The following CD5 variants were observed in gnomAD, a reference collection of about 807,000 sequenced individuals.
CD5 encodes the protein T-cell surface glycoprotein CD5.
A neutral mutation model predicts 60.3 loss-of-function variants in CD5; 36 were observed. The ratio of observed to expected loss-of-function variants is 0.60; its 90% CI spans 0.46 to 0.79. The LOEUF (loss-of-function observed/expected upper bound fraction) is 0.79, where lower values mean the gene tolerates loss of function less well. CD5 is among the 30% of genes least tolerant of loss of function. The pLI is 0.00. For missense variants in CD5, 540 were observed against 630.6 expected, an observed-to-expected ratio of 0.86 and a Z score of 1.54; for synonymous variants, 230 against 257.6, an observed-to-expected ratio of 0.89 and a Z score of 1.03.
the CD5 span, among the ~76,000 whole-genome samples, chr11:61,095,544 G>A: frequency 6.6e-6 from 1 of 152,202 alleles, no homozygotes; most frequent in Admixed American, 6.5e-5. Context: ...TAATACAGGT[G>A]AAAGGTGAAG....
At chr11:61,122,527 A>G (rs939293683) in intron 6 of CD5, among the ~76,000 whole-genome samples, 18 of 152,116 alleles carry the variant, frequency 1.2e-4, no homozygotes, top group Middle Eastern at 3.2e-3. Context: ...GGGCGGATGG[A>G]CAGATGGATG....
At chr11:61,110,708 G>C (rs1185834258) in intron 1 of CD5, among the ~76,000 whole-genome samples, 1 of 152,218 alleles carries the variant, frequency 6.6e-6, no homozygotes, top group African/African-American at 2.4e-5. Flanking sequence ...CTCATTAGCT[G>C]CTTGGACAAG....
intron 1 of CD5, among the ~76,000 whole-genome samples, chr11:61,106,342 A>G (rs1208031686): frequency 5.3e-5 from 8 of 152,128 alleles, no homozygotes; most frequent in South Asian, 2.1e-4. Context: ...CAGGCAGAGA[A>G]AAAAGGGAAG....
At chr11:61,106,332 C>A (rs1277814411) in intron 1 of CD5, among the ~76,000 whole-genome samples, 1 of 152,024 alleles carries the variant, frequency 6.6e-6, no homozygotes, top group African/African-American at 2.4e-5. Flanking sequence ...CGGAGCCAGC[C>A]AGGCAGAGAA....
At chr11:61,117,203 C>T (rs986657353) in intron 2 of CD5, among the ~76,000 whole-genome samples, 6 of 152,094 alleles carry the variant, frequency 3.9e-5, no homozygotes, top group African/African-American at 1.4e-4. Flanking sequence ...ACATGCTAAG[C>T]GAAAAAAGCC....
intron 5 of CD5, among the ~76,000 whole-genome samples, chr11:61,120,780 C>T (rs556492308): frequency 6.6e-6 from 1 of 152,354 alleles, no homozygotes; most frequent in South Asian, 2.1e-4. Flanking sequence ...TCCCAAGGGG[C>T]TCTTGGCCTG....
At position 61,102,568 on chromosome 11, in the gene CD5, T is replaced by G. The variant is rs1341418230; in HGVS notation, c.8T>G (p.Met3Arg). The G allele has an allele frequency of 6.3e-7, 1 of 1,586,462 alleles. No individual in the cohort carries two copies. The change falls in exon 1 of 11, where the codon ATG becomes AGG. Residue 3 changes from methionine (M) to arginine (R), a missense_variant. Met to Arg is a moderately conservative substitution (Grantham distance 91). Transcript: ENST00000347785. Reference sequence around the variant, plus strand: ...AAGAGAAGGCCAGAAACCATGCCCATGGGGTCTCTGCAACCGCTGGCCACC... The same window carrying G: ...AAGAGAAGGCCAGAAACCATGCCCAGGGGGTCTCTGCAACCGCTGGCCACC... MPMGSLQPLATLY... is the reference protein window; with the variant it reads MPRGSLQPLATLY...
At chr11:61,100,367 C>T (rs1860650986), upstream of CD5, among the ~76,000 whole-genome samples, 1 of 144,548 alleles carries the variant, frequency 6.9e-6, no homozygotes, top group Non-Finnish European at 1.5e-5. Context: ...CACTCACACA[C>T]ATCAACATGG....
chr11:61,111,588 C>T (rs1022642016), intron 1 of CD5, among the ~76,000 whole-genome samples: 1 of 152,210 alleles, frequency 6.6e-6, no homozygotes, highest in African/African-American at 2.4e-5. Flanking sequence ...TGAAAACATC[C>T]TAAGTCAAAA....
intron 6 of CD5, among the ~76,000 whole-genome samples, chr11:61,122,309 TGGGTG>T (rs1861074671): frequency 1.5e-5 from 1 of 64,770 alleles, no homozygotes; most frequent in Admixed American, 1.6e-4. Flanking sequence ...GGTGGGTGGG[TGGGTG>T]GATGGATGGA....
intron 7 of CD5, 73 bp from the exon 8 acceptor site, chr11:61,123,811 A>AC: frequency 3.8e-6 from 1 of 262,098 alleles, no homozygotes; most frequent in Admixed American, 6.6e-5. Context: ...GCCCAGCCCC[A>AC]TCCCCACCCC....
Position 61,119,383 on chromosome 11 carries a change from C to T in CD5, c.613C>T (p.Gln205Ter), listed in dbSNP as rs761729389. 3 of 1,614,220 alleles carry T rather than the reference C, an allele frequency of 1.9e-6. No individual in the cohort carries two copies. The highest frequency in any genetic ancestry group is 2.5e-6 in the Non-Finnish European group (3 of 1,180,046). Residue 205 changes from glutamine (Q) to a stop codon, truncating the protein, a stop_gained, in exon 5 of 11, where the codon CAG becomes TAG. Transcript: ENST00000347785. LOFTEE classifies it high-confidence loss of function. Reference protein sequence around the residue: ...DLENFLCNNLQCGSFLKHLPE... With the variant: ...DLENFLCNNL ...GGAGAACTTCCTCTGCAACAACCTC[C>T]AGTGTGGCTCCTTCTTGAAGCATCT...
intron 6 of CD5, 89 bp downstream of exon 6, chr11:61,121,993 C>G: frequency 8.3e-7 from 1 of 1,207,144 alleles, no homozygotes; most frequent in Non-Finnish European, 1.1e-6. Context: ...AAGGGAAGCC[C>G]TGGGGAGCTA....
At chr11:61,103,197 C>T (rs1361606761) in intron 1 of CD5, among the ~76,000 whole-genome samples, 4 of 152,188 alleles carry the variant, frequency 2.6e-5, no homozygotes, top group Admixed American at 2.0e-4. Flanking sequence ...CCAGCCAGGC[C>T]GGCTGGGATG....
At chr11:61,113,261 G>A (rs1271543184) in intron 1 of CD5, among the ~76,000 whole-genome samples, 2 of 152,224 alleles carry the variant, frequency 1.3e-5, no homozygotes, top group Non-Finnish European at 2.9e-5. Flanking sequence ...GGTGAATACA[G>A]AGGTTAAGCT....
At chr11:61,120,249 G>T (rs1861037470) in intron 5 of CD5, among the ~76,000 whole-genome samples, 1 of 152,166 alleles carries the variant, frequency 6.6e-6, no homozygotes, top group South Asian at 2.1e-4. Context: ...GAAACGAAGG[G>T]AGAAACGGAG....
At chr11:61,123,235 T>C (rs1301738609) in intron 7 of CD5, among the ~76,000 whole-genome samples, 1 of 152,100 alleles carries the variant, frequency 6.6e-6, no homozygotes, top group East Asian at 1.9e-4. Flanking sequence ...AAAATTGCAA[T>C]TGCTGATTTG....
intron 8 of CD5, 126 bp from the exon 9 acceptor site, chr11:61,124,906 G>A: frequency 1.9e-6 from 2 of 1,070,330 alleles, no homozygotes; most frequent in East Asian, 2.6e-5. Context: ...TGAAGGGGCT[G>A]TGGGTGCCTT....
Position 61,118,617 on chromosome 11 carries a change from G to A in CD5, c.400+137G>A. The A allele has an allele frequency of 1.2e-6, 1 of 820,058 alleles. No individual in the cohort carries two copies. The highest frequency in any genetic ancestry group is 3.6e-4 in the Middle Eastern group (1 of 2,800). 50.8% of individuals were successfully genotyped at this position (820,058 alleles called of 1,614,324 possible). ...ACCCCAGTTTATAACCACTCCCCAA[G>A]ACACATACCCAGGAGGGGGACTGGA... On this transcript the variant is annotated intron_variant, in intron 3 of 10. Transcript: ENST00000347785. The surrounding 1 kb of genome is among the most constrained non-coding windows in gnomAD (Gnocchi z 4.7).
Sources: allele counts gnomAD v4.1 joint callset (sites outside exome capture counted in the v4.1 genomes callset), GRCh38; gene constraint gnomAD v4.1.1; non-coding constraint Gnocchi (gnomAD v3.1); transcripts MANE v1.5; gene names NCBI Gene and HGNC (gene_info 2026-07-23, HGNC 2026-07-21).